The following DUS4L variants were observed in gnomAD, a reference collection of about 807,000 sequenced individuals.
DUS4L encodes tRNA-dihydrouridine(20a/20b) synthase [NAD(P)+]-like.
In DUS4L, 31 loss-of-function variants were observed where a neutral mutation model predicts 33.8. The observed-to-expected ratio is 0.92, with a 90% CI of 0.69 to 1.24. The LOEUF is 1.24. Among genes scored for constraint, DUS4L ranks in the 50% most tolerant of loss-of-function variants. The pLI, the probability that DUS4L is intolerant of heterozygous loss-of-function variation, is 0.00. For missense variants in DUS4L, 368 were observed against 388.6 expected, an observed-to-expected ratio of 0.95 and a Z score of 0.45; for synonymous variants, 103 against 120.3, an observed-to-expected ratio of 0.86 and a Z score of 0.94.
chr7:107,566,352 A>T (rs751103280), intron 2 of DUS4L, among the ~76,000 whole-genome samples: 11 of 152,218 alleles, frequency 7.2e-5, no homozygotes, highest in Non-Finnish European at 1.2e-4. Flanking sequence ...AGTAGCCAAC[A>T]CTGTGAAATA....
intron 7 of DUS4L, 40 bp from the exon 8 acceptor site, chr7:107,577,273 T>A: frequency 6.2e-7 from 1 of 1,605,508 alleles, no homozygotes. Context: ...AACCAGGGGT[T>A]CTTAATGTAT....
intron 5 of DUS4L, 147 bp downstream of exon 5, chr7:107,573,968 A>G (rs1393284018): frequency 3.6e-6 from 4 of 1,125,622 alleles, no homozygotes; most frequent in Admixed American, 4.0e-5. Context: ...AAGAAAATAT[A>G]GGGAAATGTA....
chr7:107,566,792 GA>G (rs5886419), intron 2 of DUS4L, among the ~76,000 whole-genome samples: 7,157 of 145,900 alleles, frequency 0.049, 203 homozygotes, highest in Middle Eastern at 0.074. Flanking sequence ...GTAAACTAGG[GA>G]AAAAAAAAAA....
At chr7:107,567,876 T>A (rs935645188) in intron 3 of DUS4L, 2 of 351,954 alleles carry the variant, frequency 5.7e-6, no homozygotes, top group Non-Finnish European at 5.5e-6. Context: ...GTACCTCATA[T>A]AAGTCTTATA....
At chr7:107,573,270 G>A (rs527919045) in intron 4 of DUS4L, among the ~76,000 whole-genome samples, 27 of 152,148 alleles carry the variant, frequency 1.8e-4, no homozygotes, top group African/African-American at 4.8e-4. Flanking sequence ...TGGTCCATCC[G>A]TACAGCGGAA....
At chr7:107,571,654 G>C (rs1805245419) in intron 4 of DUS4L, among the ~76,000 whole-genome samples, 1 of 152,216 alleles carries the variant, frequency 6.6e-6, no homozygotes, top group African/African-American at 2.4e-5. Context: ...AAACTTGTTA[G>C]AAATGGAGAT....
At chr7:107,571,412 T>C in intron 4 of DUS4L, 146 bp downstream of exon 4, 5 of 1,232,258 alleles carry the variant, frequency 4.1e-6, no homozygotes, top group Non-Finnish European at 5.5e-6. Context: ...TTTTTACATG[T>C]TATTACTGAA....
chr7:107,576,551 T>C lies in DUS4L; in HGVS notation c.665T>C (p.Leu222Ser). 6.3e-7 allele frequency: 1 copy of C among 1,593,288 alleles called. No individual in the cohort carries two copies. The highest frequency in any genetic ancestry group is 8.5e-7 in the Non-Finnish European group (1 of 1,172,422). Residue 222 changes from leucine (L) to serine (S), a missense_variant, in exon 7 of 8, where the codon TTA becomes TCA. Physicochemically the swap from Leu to Ser is moderately radical, Grantham distance 145. Coordinates refer to ENST00000265720, the MANE Select transcript of DUS4L (RefSeq NM_181581.3). ...PVIANGDIRSLKEAENVWRIT... is the reference protein window; with the variant it reads ...PVIANGDIRSSKEAENVWRIT... ...ATTGCTAATGGAGACATCAGAAGCTTAAAGGAAGCAGAAAATGTGTGGCGG... is the reference window on the plus strand; with the variant it reads ...ATTGCTAATGGAGACATCAGAAGCTCAAAGGAAGCAGAAAATGTGTGGCGG...
At chr7:107,569,483 A>G (rs1805005448) in intron 3 of DUS4L, among the ~76,000 whole-genome samples, 1 of 152,200 alleles carries the variant, frequency 6.6e-6, no homozygotes, top group Non-Finnish European at 1.5e-5. Flanking sequence ...CCCTGCTGGA[A>G]TTTTCATAAG....
intron 3 of DUS4L, chr7:107,570,859 T>C (rs781558000): frequency 3.3e-6 from 1 of 300,782 alleles, no homozygotes; most frequent in Non-Finnish European, 6.2e-6. Context: ...AAGTCTAGGA[T>C]ATTTGAGACA....
chr7:107,565,170 G>T (rs1183600589), intron 2 of DUS4L, among the ~76,000 whole-genome samples: 9 of 152,144 alleles, frequency 5.9e-5, no homozygotes, highest in Admixed American at 5.9e-4. Context: ...GATTTTAGAA[G>T]AGTGAGTAAT....
chr7:107,568,362 TTTTTA>T (rs1804901703), intron 3 of DUS4L, among the ~76,000 whole-genome samples: 1 of 152,090 alleles, frequency 6.6e-6, no homozygotes, highest in South Asian at 2.1e-4. Context: ...GTTCTGGGAG[TTTTTA>T]TTTTATTATT....
At chr7:107,573,452 A>C (rs1027146222) in intron 4 of DUS4L, among the ~76,000 whole-genome samples, 10 of 152,240 alleles carry the variant, frequency 6.6e-5, no homozygotes, top group African/African-American at 2.4e-4. Flanking sequence ...CTTTGAGAAG[A>C]GGGTCTATTT....
intron 6 of DUS4L, among the ~76,000 whole-genome samples, chr7:107,575,895 G>A (rs977713742): frequency 2.6e-5 from 4 of 152,096 alleles, no homozygotes; most frequent in Admixed American, 6.5e-5. Context: ...GTTTCGCCAC[G>A]TTGGCCAGGC....
At chr7:107,567,822 A>G in intron 3 of DUS4L, 1 of 443,496 alleles carries the variant, frequency 2.3e-6, no homozygotes, top group Non-Finnish European at 4.5e-6. Flanking sequence ...AGCCCCTGGC[A>G]ACCATTATTC....
chr7:107,570,155 G>A (rs1037935368), intron 3 of DUS4L: 4 of 151,188 alleles, frequency 2.6e-5, no homozygotes, highest in Admixed American at 6.6e-5. Context: ...TTATTATTTA[G>A]CCTGTTAATA....
chr7:107,575,945 A>G (rs1001041205), intron 6 of DUS4L, among the ~76,000 whole-genome samples: 3 of 152,198 alleles, frequency 2.0e-5, no homozygotes, highest in African/African-American at 7.2e-5. Flanking sequence ...CACCTGCCTC[A>G]GCCTCTCAAT....
At chr7:107,564,234 C>T (rs772953028) in intron 1 of DUS4L, 25 bp downstream of exon 1, 1 of 580,598 alleles carries the variant, frequency 1.7e-6, no homozygotes, top group East Asian at 2.9e-5. Context: ...GTGGCCGCAG[C>T]GCTTATCTGT....
chr7:107,576,287 G>A (rs1168007670), intron 6 of DUS4L, 79 bp from the exon 7 acceptor site: 1 of 1,359,846 alleles, frequency 7.4e-7, no homozygotes, highest in Non-Finnish European at 1.0e-6. Flanking sequence ...TTTGGTAGAT[G>A]AAATACCATT....
Sources: allele counts gnomAD v4.1 joint callset (sites outside exome capture counted in the v4.1 genomes callset), GRCh38; gene constraint gnomAD v4.1.1; transcripts MANE v1.5; gene names NCBI Gene and HGNC (gene_info 2026-07-23, HGNC 2026-07-21).